CRIM1: variants seen among roughly 807,000 people sequenced by gnomAD.
The protein encoded by CRIM1 is cysteine rich transmembrane BMP regulator 1.
CRIM1 carries 32 observed loss-of-function variants against 116.4 expected under a neutral mutation model. That is an observed-to-expected ratio of 0.27 (90% CI 0.21 to 0.37). The LOEUF is 0.37. CRIM1 is among the 10% of genes least tolerant of loss of function. CRIM1 has a pLI of 1.00. For missense variants in CRIM1, 1,331 were observed against 1,354.8 expected, an observed-to-expected ratio of 0.98 and a Z score of 0.28; for synonymous variants, 590 against 509.2, an observed-to-expected ratio of 1.16 and a Z score of -2.13.
intron 5 of CRIM1, among the ~76,000 whole-genome samples, chr2:36,474,847 C>CAAAAAAAAAAAAAAAAAAA (rs56084308): frequency 4.0e-4 from 36 of 90,724 alleles, no homozygotes; most frequent in African/African-American, 1.4e-3. Flanking sequence ...GACTCTATAT[C>CAAAAAAAAAAAAAAAAAAA]AAAAAAAAAA....
chr2:36,546,370 A>G lies in CRIM1; in HGVS notation c.2747-614A>G, dbSNP rs563524849. On this transcript the variant is annotated intron_variant, in intron 15 of 16. Transcript: ENST00000280527. Reference sequence around the variant, plus strand: ...AAAACTAAATGTAGTCACCTATGCGATATAATTCATTAAGGCAGAAAAATG... The same window carrying G: ...AAAACTAAATGTAGTCACCTATGCGGTATAATTCATTAAGGCAGAAAAATG... Among the ~76,000 whole-genome samples, 744 of 152,262 alleles carry G rather than the reference A, an allele frequency of 4.9e-3. 2 individuals carry two copies. The highest frequency in any genetic ancestry group is 6.0e-3 in the Non-Finnish European group (410 of 67,996).
intron 7 of CRIM1, among the ~76,000 whole-genome samples, chr2:36,480,722 T>G (rs533474747): frequency 6.6e-6 from 1 of 152,286 alleles, no homozygotes; most frequent in African/African-American, 2.4e-5. Context: ...AGTTTAAGCT[T>G]GAGGCCTCTC....
At chr2:36,391,883 G>A (rs1232269276) in intron 1 of CRIM1, among the ~76,000 whole-genome samples, 1 of 151,632 alleles carries the variant, frequency 6.6e-6, no homozygotes, top group African/African-American at 2.4e-5. Context: ...GTAAGTTACT[G>A]TATTCACCGT....
intron 1 of CRIM1, among the ~76,000 whole-genome samples, chr2:36,382,640 T>C (rs1450475446): frequency 6.6e-6 from 1 of 152,232 alleles, no homozygotes; most frequent in Non-Finnish European, 1.5e-5. Flanking sequence ...CTCCACCCGA[T>C]TGATAAGACA....
intron 2 of CRIM1, among the ~76,000 whole-genome samples, chr2:36,406,143 T>C (rs568710530): frequency 2.9e-4 from 44 of 152,344 alleles, no homozygotes; most frequent in Admixed American, 1.8e-3. Flanking sequence ...AAATCAGATA[T>C]ACTGAAAATT....
chr2:36,380,904 G>A (rs1361908015), intron 1 of CRIM1, among the ~76,000 whole-genome samples: 3 of 152,166 alleles, frequency 2.0e-5, no homozygotes, highest in African/African-American at 7.2e-5. Context: ...AAGATATCTC[G>A]ACCATGTCTG....
At chr2:36,443,645 T>G (rs1270541330) in intron 4 of CRIM1, among the ~76,000 whole-genome samples, 1 of 152,246 alleles carries the variant, frequency 6.6e-6, no homozygotes, top group Non-Finnish European at 1.5e-5. Flanking sequence ...GGCATTTAGC[T>G]TCTGGGTTTG....
intron 1 of CRIM1, among the ~76,000 whole-genome samples, chr2:36,386,259 A>C (rs1208739817): frequency 6.6e-6 from 1 of 152,234 alleles, no homozygotes; most frequent in African/African-American, 2.4e-5. Flanking sequence ...GTCATAATAC[A>C]CAGAAGTGGC....
intron 1 of CRIM1, among the ~76,000 whole-genome samples, chr2:36,386,926 A>T (rs1199489692): frequency 1.3e-5 from 2 of 151,782 alleles, no homozygotes; most frequent in African/African-American, 4.8e-5. Context: ...TCATGAAACA[A>T]CATGGGACAT....
intron 1 of CRIM1, among the ~76,000 whole-genome samples, chr2:36,392,409 C>T (rs1671685208): frequency 6.6e-6 from 1 of 151,908 alleles, no homozygotes; most frequent in African/African-American, 2.4e-5. Flanking sequence ...CAGGAAAAAA[C>T]CTACTTCATA....
intron 8 of CRIM1, among the ~76,000 whole-genome samples, chr2:36,508,201 C>G (rs965441745): frequency 2.0e-5 from 3 of 152,130 alleles, no homozygotes; most frequent in African/African-American, 7.2e-5. Flanking sequence ...AATACAGGCA[C>G]ATGAGGTTAT....
intron 9 of CRIM1, 90 bp downstream of exon 9, chr2:36,510,229 T>A: frequency 7.9e-7 from 1 of 1,264,266 alleles, no homozygotes; most frequent in Non-Finnish European, 1.1e-6. Flanking sequence ...GTTTGTGAAT[T>A]AATCTATGGT....
intron 2 of CRIM1, among the ~76,000 whole-genome samples, chr2:36,405,558 T>A (rs1672720811): frequency 6.6e-6 from 1 of 152,174 alleles, no homozygotes; most frequent in Non-Finnish European, 1.5e-5. Context: ...AAATCTGCAT[T>A]TCCAGCAAGC....
intron 1 of CRIM1, among the ~76,000 whole-genome samples, chr2:36,364,066 C>A (rs758174866): frequency 1.3e-5 from 2 of 152,110 alleles, no homozygotes; most frequent in African/African-American, 4.8e-5. Flanking sequence ...TGTTAGTCGT[C>A]GGTACCTCCT....
chr2:36,488,722 C>G (rs185309369), intron 7 of CRIM1, among the ~76,000 whole-genome samples: 21 of 152,290 alleles, frequency 1.4e-4, no homozygotes, highest in African/African-American at 5.1e-4. Flanking sequence ...TTGTTTGAAA[C>G]AGCCTAGTTC....
chr2:36,521,144 A>C (rs1665363964), intron 12 of CRIM1, among the ~76,000 whole-genome samples: 1 of 152,088 alleles, frequency 6.6e-6, no homozygotes, highest in Admixed American at 6.5e-5. Flanking sequence ...ATTTTCATTG[A>C]TTTTAGTGGA....
intron 8 of CRIM1, among the ~76,000 whole-genome samples, chr2:36,509,090 A>C (rs1365810845): frequency 1.3e-5 from 2 of 152,246 alleles, no homozygotes; most frequent in Non-Finnish European, 2.9e-5. Flanking sequence ...TGAATATTTT[A>C]ATTACTATCA....
intron 1 of CRIM1, among the ~76,000 whole-genome samples, chr2:36,393,340 A>G (rs1366419469): frequency 6.6e-6 from 1 of 152,018 alleles, no homozygotes; most frequent in African/African-American, 2.4e-5. Flanking sequence ...TCTTTATATT[A>G]TCTTGAAACA....
chr2:36,499,503 A>G (rs1680839841), intron 8 of CRIM1, 156 bp downstream of exon 8: 1 of 681,754 alleles, frequency 1.5e-6, no homozygotes, highest in Non-Finnish European at 2.4e-6. Context: ...AAACAAATAC[A>G]TAGTCATTTG....
Sources: gnomAD v4.1 joint callset for allele counts (sites outside exome capture counted in the v4.1 genomes callset) on GRCh38, gnomAD v4.1.1 for gene constraint, MANE v1.5 for transcripts, NCBI Gene and HGNC (gene_info 2026-07-23, HGNC 2026-07-21) for gene names.